Variants in MYH9 observed in about 807,000 individuals in gnomAD.
The protein encoded by MYH9 is myosin heavy chain 9, also known as myosin-9.
MYH9 carries 29 observed loss-of-function variants against 241.9 expected under a neutral mutation model. The observed-to-expected ratio is 0.12, with a 90% CI of 0.09 to 0.16. The LOEUF (loss-of-function observed/expected upper bound fraction) is 0.16. Ranked by LOEUF, MYH9 falls within the 10% of genes least tolerant of loss-of-function variation. MYH9 has a pLI of 1.00. For synonymous variants in MYH9, 1,047 were observed against 1,062.6 expected, an observed-to-expected ratio of 0.99 and a Z score of 0.29; for missense variants, 1,803 against 2,595.5, an observed-to-expected ratio of 0.69 and a Z score of 6.63.
chr22:36,286,914 C>T (rs2016595961), intron 34 of MYH9, 68 bp from the exon 35 acceptor site: 2 of 1,596,594 alleles, frequency 1.3e-6, no homozygotes, highest in Admixed American at 1.7e-5. Context: ...CCTCATGGGT[C>T]ACCTCGCCAA....
intron 20 of MYH9, 132 bp downstream of exon 20, chr22:36,302,436 C>T: frequency 1.3e-6 from 1 of 755,238 alleles, no homozygotes; most frequent in South Asian, 1.4e-5. Context: ...TTGCTGGAGC[C>T]CAAGAGTTTG....
At chr22:36,346,423 G>A (rs2017679254) in intron 2 of MYH9, among the ~76,000 whole-genome samples, 1 of 152,200 alleles carries the variant, frequency 6.6e-6, no homozygotes, top group Non-Finnish European at 1.5e-5. Context: ...TCGTAGAAAT[G>A]TGCTTAAGTC....
chr22:36,354,956 A>AC (rs57801610), intron 1 of MYH9, among the ~76,000 whole-genome samples: 1 of 123,638 alleles, frequency 8.1e-6, no homozygotes, highest in Non-Finnish European at 1.7e-5. Flanking sequence ...CAAAAAACAA[A>AC]ACACACACAC....
chr22:36,319,706 C>T (rs1449179985), intron 9 of MYH9, 71 bp from the exon 10 acceptor site: 1 of 1,443,246 alleles, frequency 6.9e-7, no homozygotes, highest in African/African-American at 1.4e-5. Context: ...GGGGGCCACT[C>T]ATCTAGGGAT....
At chr22:36,311,543 C>T (rs910060800) in intron 14 of MYH9, among the ~76,000 whole-genome samples, 10 of 152,254 alleles carry the variant, frequency 6.6e-5, no homozygotes, top group Admixed American at 4.6e-4. Context: ...CCAGGAATGC[C>T]GAGGTTGAGG....
chr22:36,348,546 A>T (rs1025758903), intron 2 of MYH9, among the ~76,000 whole-genome samples: 4 of 152,154 alleles, frequency 2.6e-5, no homozygotes, highest in African/African-American at 4.8e-5. Flanking sequence ...AAATTAAATT[A>T]AAAAAGAAGG....
At chr22:36,316,468 C>T in intron 12 of MYH9, 49 bp downstream of exon 12, 1 of 1,613,728 alleles carries the variant, frequency 6.2e-7, no homozygotes, top group Non-Finnish European at 8.5e-7. Flanking sequence ...GATAAGGCAA[C>T]CAACAGGCCA....
chr22:36,292,923 A>G lies in MYH9; in HGVS notation c.4095+406T>C, dbSNP rs2239788. On this transcript the variant is annotated intron_variant, in intron 30 of 40. Coordinates refer to ENST00000216181, the MANE Select transcript of MYH9 (RefSeq NM_002473.6). ...AGGAAGCCACGTGCTGCTAGATAGC[A>G]CATCAGATAACAAACAGCGCAGGCC... Among the ~76,000 whole-genome samples, 396 of 152,346 alleles carry G rather than the reference A, an allele frequency of 2.6e-3. 13 individuals carry two copies. The East Asian group carries it at 0.067, about 26-fold the overall frequency.
intron 31 of MYH9, among the ~76,000 whole-genome samples, chr22:36,290,881 G>A (rs940728161): frequency 4.8e-5 from 7 of 146,056 alleles, no homozygotes; most frequent in Admixed American, 6.8e-5. Flanking sequence ...CGGCCGCCCC[G>A]TCTGAGAAGT....
At chr22:36,299,817 G>A (rs2016845684) in intron 23 of MYH9, among the ~76,000 whole-genome samples, 1 of 152,174 alleles carries the variant, frequency 6.6e-6, no homozygotes, top group South Asian at 2.1e-4. Context: ...CAACCCCACA[G>A]TGACCAACAC....
chr22:36,361,218 A>C (rs902494617), intron 1 of MYH9, among the ~76,000 whole-genome samples: 3 of 152,186 alleles, frequency 2.0e-5, no homozygotes, highest in Non-Finnish European at 4.4e-5. Flanking sequence ...AGAAGCTGGA[A>C]CTTGTTTCCA....
At chr22:36,312,259 C>T in intron 13 of MYH9, 37 bp from the exon 14 acceptor site, 1 of 1,610,078 alleles carries the variant, frequency 6.2e-7, no homozygotes, top group Non-Finnish European at 8.5e-7. Flanking sequence ...GTGAGTGCAC[C>T]CTGGGAGGGG....
chr22:36,327,469 G>A lies in MYH9; in HGVS notation c.510C>T (p.Ile170=). 2 of 1,614,086 alleles carry A rather than the reference G, an allele frequency of 1.2e-6. No individual in the cohort carries two copies. Among genetic ancestry groups the A allele is most frequent in the Non-Finnish European group, 1.7e-6 (2 of 1,179,968 alleles). ...SMMQDREDQS[I]LCTGESGAGK... is the part of the protein sequence containing the mutation. ...GACGGAGAAATACTTACGTGCACAA[G>A]ATGGATTGATCTTCTCGGTCTGAAA... Residue 170 remains isoleucine, a synonymous_variant, in exon 4 of 41, where the codon ATC becomes ATT. Coordinates refer to ENST00000216181, the MANE Select transcript of MYH9 (RefSeq NM_002473.6).
At chr22:36,342,549 A>G (rs2017605966) in intron 2 of MYH9, among the ~76,000 whole-genome samples, 1 of 152,128 alleles carries the variant, frequency 6.6e-6, no homozygotes, top group Admixed American at 6.5e-5. Flanking sequence ...GTCTTCAGGG[A>G]AATATACTTT....
At chr22:36,303,784 C>CAAAAAA in intron 19 of MYH9, among the ~76,000 whole-genome samples, 1 of 48,430 alleles carries the variant, frequency 2.1e-5, no homozygotes, top group Non-Finnish European at 4.4e-5. Context: ...GACTCCGTCT[C>CAAAAAA]AAAAAAAAAA....
rs368288371 is a variant in MYH9, at chr22:36,368,446, G to A, written c.-19-19191C>T. Reference sequence around the variant, plus strand: ...CCACTCTGCTCCACTGCCTCTAGGGGTGCAATGAGACAGCGAATGCACACA... The same window carrying A: ...CCACTCTGCTCCACTGCCTCTAGGGATGCAATGAGACAGCGAATGCACACA... On this transcript the variant is annotated intron_variant, in intron 1 of 40. Coordinates refer to ENST00000216181, the MANE Select transcript of MYH9 (RefSeq NM_002473.6). Among the ~76,000 whole-genome samples the A allele has an allele frequency of 1.8e-4, 28 of 152,260 alleles. No individual in the cohort carries two copies. In the East Asian group the frequency reaches 4.8e-3, roughly 26 times the overall value.
chr22:36,371,569 CTT>C (rs2018090499), intron 1 of MYH9, among the ~76,000 whole-genome samples: 1 of 152,092 alleles, frequency 6.6e-6, no homozygotes, highest in African/African-American at 2.4e-5. Flanking sequence ...GGGTTTCACT[CTT>C]GTTGCCCAGG....
intron 1 of MYH9, among the ~76,000 whole-genome samples, chr22:36,382,720 T>C (rs2018278594): frequency 6.6e-6 from 1 of 151,318 alleles, no homozygotes; most frequent in Non-Finnish European, 1.5e-5. Context: ...GGAATATTGC[T>C]TGAACCCAGG....
chr22:36,315,903 T>C (rs1220228966), intron 12 of MYH9, among the ~76,000 whole-genome samples: 1 of 151,208 alleles, frequency 6.6e-6, no homozygotes, highest in African/African-American at 2.4e-5. Context: ...CTGGGAGTGG[T>C]GGTGCGTGCC....
Sources: allele counts gnomAD v4.1 joint callset (sites outside exome capture counted in the v4.1 genomes callset), GRCh38; gene constraint gnomAD v4.1.1; transcripts MANE v1.5; gene names NCBI Gene and HGNC (gene_info 2026-07-23, HGNC 2026-07-21).